Variants in NAV3 observed in about 807,000 individuals in gnomAD.
NAV3 encodes the protein neuron navigator 3, also known as pore membrane and/or filament interacting like protein 1.
Under a neutral mutation model 244.7 loss-of-function variants are expected in NAV3, and 87 were observed. The observed-to-expected ratio is 0.36, with a 90% CI of 0.30 to 0.42. The LOEUF is 0.42. Among genes scored for constraint, NAV3 ranks in the 20% least tolerant of loss-of-function variants. The pLI is 1.00. For missense variants in NAV3, 2,663 were observed against 2,893.3 expected, an observed-to-expected ratio of 0.92 and a Z score of 1.83; for synonymous variants, 1,126 against 1,042.2, an observed-to-expected ratio of 1.08 and a Z score of -1.55.
At chr12:77,780,933 T>C (rs1444143069) in intron 2 of NAV3, among the ~76,000 whole-genome samples, 2 of 152,188 alleles carry the variant, frequency 1.3e-5, no homozygotes, top group Non-Finnish European at 2.9e-5. Context: ...TTGAGAATTG[T>C]ATCCATGAGG....
chr12:77,828,155 G>T (rs1873211204), upstream of NAV3, among the ~76,000 whole-genome samples: 1 of 152,134 alleles, frequency 6.6e-6, no homozygotes, highest in Non-Finnish European at 1.5e-5. Context: ...TTCATACATG[G>T]ATTAATGTTA....
intron 26 of NAV3, among the ~76,000 whole-genome samples, chr12:78,176,728 G>A (rs1958243028): frequency 6.6e-6 from 1 of 152,060 alleles, no homozygotes; most frequent in African/African-American, 2.4e-5. Context: ...GAAGTGTTAG[G>A]TGAATTTGAT....
At chr12:78,135,903 C>T (rs1046165559) in intron 18 of NAV3, among the ~76,000 whole-genome samples, 2 of 152,078 alleles carry the variant, frequency 1.3e-5, no homozygotes, top group Admixed American at 6.6e-5. Flanking sequence ...TTTTCCATTA[C>T]ATTTTAAATA....
rs779378294 is a variant in NAV3 at position 78,199,566 on chromosome 12, G to A, written c.6715+35G>A. 8.1e-6 allele frequency: 12 copies of A among 1,481,324 alleles called. No homozygotes were observed. The East Asian group carries it at 2.2e-4, about 27-fold the overall frequency. The allele number at this position is 1,481,324 out of a possible 1,614,324, so 91.8% of individuals were successfully genotyped here. A position where few individuals can be genotyped will look rare whatever the true frequency, so the allele number is the denominator to read the frequency against. On this transcript the variant is annotated intron_variant, in intron 37 of 39. Transcript: ENST00000397909. ...AAAATTATAATATGCCATTTTCCAGGAACTAACAGTGCTTGGTAAAGACGG... is the reference window on the plus strand; with the variant it reads ...AAAATTATAATATGCCATTTTCCAGAAACTAACAGTGCTTGGTAAAGACGG...
chr12:77,594,288 A>G (rs534532239), intron 2 of NAV3, among the ~76,000 whole-genome samples: 1 of 152,254 alleles, frequency 6.6e-6, no homozygotes, highest in East Asian at 1.9e-4. Flanking sequence ...AGATTCACTC[A>G]AATTTTCATA....
chr12:77,714,963 T>C (rs1381245257), intron 2 of NAV3, among the ~76,000 whole-genome samples: 2 of 152,148 alleles, frequency 1.3e-5, no homozygotes, highest in Admixed American at 6.5e-5. Flanking sequence ...TTTCATGATT[T>C]ATTTAACTCA....
intron 22 of NAV3, among the ~76,000 whole-genome samples, chr12:78,158,115 A>G (rs1023438216): frequency 5.9e-5 from 9 of 152,100 alleles, no homozygotes; most frequent in Non-Finnish European, 1.3e-4. Flanking sequence ...CAGCATTTCC[A>G]CTCTGCTATA....
At chr12:77,726,339 C>T (rs1012116392) in intron 2 of NAV3, among the ~76,000 whole-genome samples, 1 of 151,958 alleles carries the variant, frequency 6.6e-6, no homozygotes, top group Admixed American at 6.6e-5. Flanking sequence ...TACCCATTCA[C>T]CTAACATTGG....
chr12:77,592,597 G>T (rs1056603186), intron 2 of NAV3, among the ~76,000 whole-genome samples: 1 of 152,138 alleles, frequency 6.6e-6, no homozygotes, highest in Non-Finnish European at 1.5e-5. Context: ...TCCCTTAATG[G>T]AGATAATCAT....
chr12:77,940,526 G>T, intron 2 of NAV3, 90 bp downstream of exon 2: 1 of 881,548 alleles, frequency 1.1e-6, no homozygotes, highest in Non-Finnish European at 1.8e-6. Context: ...TTACTGAACT[G>T]GTCCATGTGT....
intron 3 of NAV3, among the ~76,000 whole-genome samples, chr12:77,952,688 A>T (rs1398999315): frequency 1.3e-5 from 2 of 152,114 alleles, no homozygotes; most frequent in Non-Finnish European, 2.9e-5. Context: ...AAAAAAAATT[A>T]TTTGGCTCCT....
chr12:77,886,516 C>T (rs1883304754), intron 1 of NAV3, among the ~76,000 whole-genome samples: 1 of 152,110 alleles, frequency 6.6e-6, no homozygotes, highest in South Asian at 2.1e-4. Context: ...AAAATTATAG[C>T]AAATTGGTCT....
chr12:77,826,782 C>T (rs1357744558), upstream of NAV3, among the ~76,000 whole-genome samples: 1 of 152,142 alleles, frequency 6.6e-6, no homozygotes, highest in Non-Finnish European at 1.5e-5. Context: ...GAGAGTGAGA[C>T]ATTATCTACG....
At chr12:77,638,510 A>T (rs140253431) in intron 2 of NAV3, among the ~76,000 whole-genome samples, 2 of 152,328 alleles carry the variant, frequency 1.3e-5, no homozygotes, top group East Asian at 3.9e-4. Flanking sequence ...TCACACTCTG[A>T]TGTCTGTAGT....
intron 2 of NAV3, among the ~76,000 whole-genome samples, chr12:77,750,478 G>A (rs773217295): frequency 1.5e-4 from 23 of 151,994 alleles, no homozygotes; most frequent in Admixed American, 3.3e-4. Flanking sequence ...TCTGCAGTGC[G>A]CTCTAATCAT....
chr12:77,777,487 A>C (rs940964550), intron 2 of NAV3, among the ~76,000 whole-genome samples: 2 of 152,200 alleles, frequency 1.3e-5, no homozygotes, highest in Non-Finnish European at 2.9e-5. Flanking sequence ...AAGGATGACT[A>C]ACATCCTGAG....
At chr12:77,872,555 T>A (rs879696586) in intron 1 of NAV3, among the ~76,000 whole-genome samples, 8 of 152,062 alleles carry the variant, frequency 5.3e-5, no homozygotes, top group Non-Finnish European at 1.2e-4. Flanking sequence ...GGTTGGAGAG[T>A]CCAGGATCCA....
chr12:77,790,219 A>G (rs1015094073), intron 2 of NAV3, among the ~76,000 whole-genome samples: 8 of 152,246 alleles, frequency 5.3e-5, no homozygotes, highest in African/African-American at 1.9e-4. Context: ...ACTGAGATGC[A>G]CAGTGGGCAT....
intron 2 of NAV3, among the ~76,000 whole-genome samples, chr12:77,660,123 A>T (rs1033832942): frequency 5.9e-5 from 9 of 152,178 alleles, no homozygotes; most frequent in African/African-American, 1.2e-4. Context: ...AATAAAAAAA[A>T]AAGAATATGA....
Sources: allele counts gnomAD v4.1 joint callset (sites outside exome capture counted in the v4.1 genomes callset), GRCh38; gene constraint gnomAD v4.1.1; transcripts MANE v1.5; gene names NCBI Gene and HGNC (gene_info 2026-07-23, HGNC 2026-07-21).